The following DENND1A variants were observed in gnomAD, a reference collection of about 807,000 sequenced individuals.
DENND1A encodes the protein DENN domain containing 1A.
Under a neutral mutation model 113.7 loss-of-function variants are expected in DENND1A, and 51 were observed. The ratio of observed to expected loss-of-function variants is 0.45; its 90% CI spans 0.36 to 0.57. The LOEUF is 0.57. Ranked by LOEUF, DENND1A falls within the 20% of genes least tolerant of loss-of-function variation. The probability of loss-of-function intolerance (pLI) is 0.00; values close to 1 mark genes in which losing one functional copy is unlikely to be tolerated. For missense variants in DENND1A, 1,258 were observed against 1,395.9 expected (o/e 0.90, Z 1.57); for synonymous variants, 565 against 570.8 (o/e 0.99, Z 0.14).
At chr9:123,604,377 AC>A (rs1440203498) in intron 11 of DENND1A, among the ~76,000 whole-genome samples, 1 of 152,202 alleles carries the variant, frequency 6.6e-6, no homozygotes, top group Non-Finnish European at 1.5e-5. Context: ...CACTACAATT[AC>A]TTTATATTTT....
At chr9:123,578,481 G>A (rs766546409) in intron 12 of DENND1A, among the ~76,000 whole-genome samples, 3 of 152,194 alleles carry the variant, frequency 2.0e-5, no homozygotes, top group Non-Finnish European at 4.4e-5. Flanking sequence ...TTGGCCTCAA[G>A]CAATTCTTCT....
intron 1 of DENND1A, among the ~76,000 whole-genome samples, chr9:123,893,872 T>C (rs1187881566): frequency 1.3e-5 from 2 of 152,154 alleles, no homozygotes; most frequent in African/African-American, 4.8e-5. Flanking sequence ...AAGATGCATC[T>C]AGAACAGTGC....
At chr9:123,523,695 T>C (rs1254559329) in intron 13 of DENND1A, among the ~76,000 whole-genome samples, 3 of 152,200 alleles carry the variant, frequency 2.0e-5, no homozygotes, top group Non-Finnish European at 4.4e-5. Context: ...GGTGGCTCAG[T>C]GCAAAGGGCT....
At chr9:123,717,241 G>C (rs796225105) in intron 5 of DENND1A, among the ~76,000 whole-genome samples, 10 of 152,306 alleles carry the variant, frequency 6.6e-5, no homozygotes, top group African/African-American at 2.4e-4. Context: ...AAGCTTGACT[G>C]TAAAATCATG....
intron 2 of DENND1A, among the ~76,000 whole-genome samples, chr9:123,797,830 G>C (rs765996107): frequency 2.0e-5 from 3 of 151,854 alleles, no homozygotes; most frequent in Non-Finnish European, 4.4e-5. Context: ...AAAAGGTTTA[G>C]GTTGTTTTTC....
intron 6 of DENND1A, among the ~76,000 whole-genome samples, chr9:123,671,588 T>C (rs1201069058): frequency 6.6e-6 from 1 of 152,174 alleles, no homozygotes; most frequent in Non-Finnish European, 1.5e-5. Context: ...TTTGACATTT[T>C]CTACTCAGTG....
At chr9:123,651,309 T>C (rs1487342569) in intron 9 of DENND1A, among the ~76,000 whole-genome samples, 1 of 152,158 alleles carries the variant, frequency 6.6e-6, no homozygotes, top group Non-Finnish European at 1.5e-5. Context: ...ACCAAAGAGG[T>C]AATTCTAAAA....
chr9:123,881,875 T>C (rs1848362762), intron 1 of DENND1A, among the ~76,000 whole-genome samples: 2 of 152,190 alleles, frequency 1.3e-5, no homozygotes, highest in African/African-American at 2.4e-5. Flanking sequence ...ATTGCTAAAA[T>C]GTATTTAAAT....
chr9:123,891,109 A>G (rs1849836697), intron 1 of DENND1A, among the ~76,000 whole-genome samples: 1 of 152,204 alleles, frequency 6.6e-6, no homozygotes, highest in Non-Finnish European at 1.5e-5. Context: ...CTCCTTGAGT[A>G]GTCCTTTGAG....
intron 21 of DENND1A, among the ~76,000 whole-genome samples, chr9:123,396,060 CAG>C (rs1219324844): frequency 6.6e-6 from 1 of 152,034 alleles, no homozygotes; most frequent in African/African-American, 2.4e-5. Flanking sequence ...AGGAGACGCA[CAG>C]GGGATTGTGG....
At chr9:123,804,514 T>A (rs901698434) in intron 2 of DENND1A, among the ~76,000 whole-genome samples, 2 of 152,218 alleles carry the variant, frequency 1.3e-5, no homozygotes, top group African/African-American at 4.8e-5. Flanking sequence ...TGACTTTCTT[T>A]CCTTTGCTGG....
chr9:123,516,070 T>C (rs764109365), intron 13 of DENND1A, among the ~76,000 whole-genome samples: 7 of 150,826 alleles, frequency 4.6e-5, no homozygotes, highest in African/African-American at 1.2e-4. Flanking sequence ...TGAGACCCTG[T>C]CTCAATTATA....
chr9:123,440,799 A>G (rs967738455), intron 18 of DENND1A, among the ~76,000 whole-genome samples: 4 of 152,352 alleles, frequency 2.6e-5, no homozygotes, highest in East Asian at 3.9e-4. Flanking sequence ...CTTTGTCCAC[A>G]TGCAGACGTT....
At chr9:123,810,549 C>CAA (rs1159557273) in intron 2 of DENND1A, among the ~76,000 whole-genome samples, 6,176 of 46,414 alleles carry the variant, frequency 0.13, 417 homozygotes, top group Non-Finnish European at 0.18. Context: ...CATGTCTCTA[C>CAA]AAAAAAAAAA....
intron 2 of DENND1A, among the ~76,000 whole-genome samples, chr9:123,872,992 G>GTT (rs1846889327): frequency 6.6e-6 from 1 of 152,182 alleles, no homozygotes. Context: ...ACAGCGTAAG[G>GTT]TTTATATCTA....
In DENND1A at chr9:123,497,813, C is replaced by CAAAA. The variant is rs755257150; in HGVS notation, c.994-39920_994-39917dup. 1.1e-4 allele frequency among the ~76,000 whole-genome samples: 11 copies of CAAAA among 101,770 alleles called. 1 individual carries two copies. Among genetic ancestry groups the CAAAA allele is most frequent in the African/African-American group, 3.0e-4 (8 of 26,836 alleles). 66.8% of individuals were successfully genotyped at this position (101,770 alleles called of 152,430 possible). Reference sequence around the variant, plus strand: ...TCCACAGTCCAATCTCTCTTCCATCCAAAAAAAAAAAAAAAAAAGAAAAAA... The same window carrying CAAAA: ...TCCACAGTCCAATCTCTCTTCCATCCAAAAAAAAAAAAAAAAAAAAAAGAAAAAA... On this transcript the variant is annotated intron_variant, in intron 13 of 23. Transcript: ENST00000394215.
rs373174805 is a variant in DENND1A, at chr9:123,793,738, C to T, written c.89-1108G>A. Among the ~76,000 whole-genome samples, 26 of 152,288 alleles carry T rather than the reference C, an allele frequency of 1.7e-4. No individual in the cohort carries two copies. The East Asian group carries it at 2.3e-3, about 14-fold the overall frequency. ...GAAGGGAAAAAACTAAGGGCCTATT[C>T]ACAAACTACTAGGATCCTAGAAATA... On this transcript the variant is annotated intron_variant, in intron 2 of 23. Coordinates refer to ENST00000394215, the MANE Select transcript of DENND1A (RefSeq NM_001352964.2).
intron 1 of DENND1A, among the ~76,000 whole-genome samples, chr9:123,879,975 TCTTA>T (rs1433986251): frequency 2.6e-5 from 4 of 152,240 alleles, no homozygotes; most frequent in Non-Finnish European, 2.9e-5. Context: ...ATTATTATAC[TCTTA>T]CTTGTTTATT....
intron 18 of DENND1A, among the ~76,000 whole-genome samples, chr9:123,443,791 C>T (rs2047104554): frequency 6.6e-6 from 1 of 152,104 alleles, no homozygotes; most frequent in African/African-American, 2.4e-5. Flanking sequence ...CCCATATCTA[C>T]AAAAAAATAT....
Sources: allele counts gnomAD v4.1 joint callset (sites outside exome capture counted in the v4.1 genomes callset), GRCh38; gene constraint gnomAD v4.1.1; transcripts MANE v1.5; gene names NCBI Gene and HGNC (gene_info 2026-07-23, HGNC 2026-07-21).